Variants in CCDC171 observed in about 807,000 individuals in gnomAD.
The protein encoded by CCDC171 is coiled-coil domain-containing protein 171.
In CCDC171, 177 loss-of-function variants were observed where a neutral mutation model predicts 168.2. That is an observed-to-expected ratio of 1.05 (90% CI 0.93 to 1.19). The LOEUF (loss-of-function observed/expected upper bound fraction) is 1.19, where lower values mean the gene tolerates loss of function less well. Ranked by LOEUF, CCDC171 falls within the 50% of genes most tolerant of loss-of-function variation. The pLI, the probability that CCDC171 is intolerant of heterozygous loss-of-function variation, is 0.00. For synonymous variants in CCDC171, 687 were observed against 540.8 expected (o/e 1.27, Z -3.75); for missense variants, 1,991 against 1,539.0 (o/e 1.29, Z -4.91).
intron 6 of CCDC171, among the ~76,000 whole-genome samples, chr9:15,617,411 C>G (rs1587444718): frequency 6.7e-6 from 1 of 148,634 alleles, no homozygotes; most frequent in African/African-American, 2.5e-5. Context: ...GAGTCTTGCG[C>G]TGTCACCCAG....
Position 15,889,350 on chromosome 9 carries a change from A to G in CCDC171, c.3600+14687A>G, listed in dbSNP as rs1176438781. ...AGCATTATAAAACAGGTTCTATGCA[A>G]AGGACATATACTGTTGTTTCCATGC... On this transcript the variant is annotated intron_variant, in intron 24 of 25. Transcript: ENST00000380701. 3.9e-5 allele frequency among the ~76,000 whole-genome samples: 6 copies of G among 152,162 alleles called. No homozygotes were observed. In the East Asian group the frequency reaches 1.2e-3, roughly 29 times the overall value.
At chr9:15,858,812 A>C (rs1166687613) in intron 23 of CCDC171, among the ~76,000 whole-genome samples, 1 of 152,070 alleles carries the variant, frequency 6.6e-6, no homozygotes, top group African/African-American at 2.4e-5. Flanking sequence ...TCTATGTAGA[A>C]GATCACGTCA....
At chr9:15,956,352 A>G (rs190115983) in intron 25 of CCDC171, among the ~76,000 whole-genome samples, 32 of 152,242 alleles carry the variant, frequency 2.1e-4, no homozygotes, top group African/African-American at 6.0e-4. Context: ...AGCTTTGATT[A>G]CTGATAGGAT....
rs547365151 is a variant in CCDC171 at position 15,583,288 on chromosome 9, G to A, written c.352+4265G>A. ...AAATTAGCTGGGTGTGGTGGCGCAC[G>A]CCTGTAGTCCCAGCTACTTGGGAGG... is the stretch of plus-strand genomic sequence containing the variant. On this transcript the variant is annotated intron_variant, in intron 4 of 25. Coordinates refer to ENST00000380701, the MANE Select transcript of CCDC171 (RefSeq NM_173550.4). Among the ~76,000 whole-genome samples the A allele has an allele frequency of 2.1e-4, 32 of 151,914 alleles. No individual in the cohort carries two copies. The East Asian group carries it at 2.3e-3, about 11-fold the overall frequency.
intron 25 of CCDC171, among the ~76,000 whole-genome samples, chr9:15,955,328 A>G (rs541534508): frequency 9.9e-5 from 15 of 152,260 alleles, no homozygotes; most frequent in Middle Eastern, 3.4e-3. Context: ...GGCCCTTTAA[A>G]TTCCCTGGAT....
intron 21 of CCDC171, among the ~76,000 whole-genome samples, chr9:15,845,208 G>A (rs901879819): frequency 6.6e-6 from 1 of 152,042 alleles, no homozygotes; most frequent in Non-Finnish European, 1.5e-5. Context: ...CACAAAATTA[G>A]TAGGTTTAGC....
intron 1 of CCDC171, among the ~76,000 whole-genome samples, chr9:15,555,893 CTCG>C (rs998849794): frequency 1.3e-4 from 19 of 151,142 alleles, no homozygotes; most frequent in African/African-American, 3.9e-4. Context: ...TCCAAGTATT[CTCG>C]TTGTTCAATT....
Position 15,724,827 on chromosome 9 carries a change from A to C in CCDC171, c.1543A>C (p.Thr515Pro). The C allele has an allele frequency of 6.2e-7, 1 of 1,613,778 alleles. No homozygotes were observed. Among genetic ancestry groups the C allele is most frequent in the Non-Finnish European group, 8.5e-7 (1 of 1,179,714 alleles). ...TAATAAAGAGTTAAGTCATTTACAC[A>C]CTAAATGTGCAGACCGAGAGGCTTT... ...DVNKELSHLH[T>P]KCADREALIS... Residue 515 changes from threonine to proline, a missense_variant, in exon 14 of 26, where the codon ACT (threonine) becomes CCT (proline). By Grantham distance (38) the Thr-to-Pro change is conservative. Coordinates refer to ENST00000380701, the MANE Select transcript of CCDC171 (RefSeq NM_173550.4).
chr9:15,711,373 T>G (rs936528350), intron 11 of CCDC171, among the ~76,000 whole-genome samples: 24 of 152,316 alleles, frequency 1.6e-4, no homozygotes, highest in Middle Eastern at 3.4e-3. Flanking sequence ...TATATCAGTT[T>G]GAATTTTCAA....
intron 25 of CCDC171, among the ~76,000 whole-genome samples, chr9:15,958,085 GA>G (rs1181601135): frequency 6.6e-6 from 1 of 152,042 alleles, no homozygotes; most frequent in Non-Finnish European, 1.5e-5. Context: ...TTAGAATATG[GA>G]TTAGAATAAG....
At chr9:15,753,341 A>G (rs921684677) in intron 18 of CCDC171, among the ~76,000 whole-genome samples, 7 of 152,182 alleles carry the variant, frequency 4.6e-5, no homozygotes, top group Admixed American at 2.0e-4. Context: ...GTGGGAATAA[A>G]CATAGAATGG....
chr9:15,564,328 T>C (rs1482467861), intron 2 of CCDC171, among the ~76,000 whole-genome samples, 199 bp downstream of exon 2: 1 of 152,244 alleles, frequency 6.6e-6, no homozygotes, highest in Non-Finnish European at 1.5e-5. Context: ...GATTTTGTGC[T>C]CCTCTGTTAA....
rs1832407602 is a variant in CCDC171, at chr9:15,997,401, T to G, written n.369-23188T>G. Among the ~76,000 whole-genome samples, 3 of 152,220 alleles carry G rather than the reference T, an allele frequency of 2.0e-5. No individual in the cohort carries two copies. In the South Asian group the frequency reaches 6.2e-4, roughly 32 times the overall value. ...GTAGATCCCAAAGTTGCTGCAGCTA[T>G]AGGCTGTGAGTTAACGGCACTTTTT... On this transcript the variant is annotated intron_variant and non_coding_transcript_variant, in intron 3 of 9. Transcript: ENST00000486641.
intron 24 of CCDC171, among the ~76,000 whole-genome samples, chr9:15,912,457 A>G (rs1248834338): frequency 1.3e-5 from 2 of 152,164 alleles, no homozygotes; most frequent in Admixed American, 6.5e-5. Flanking sequence ...GACTGAGACG[A>G]TGGGGTTTTT....
chr9:15,557,578 C>T (rs898983239), intron 1 of CCDC171, among the ~76,000 whole-genome samples: 13 of 152,120 alleles, frequency 8.5e-5, no homozygotes, highest in African/African-American at 2.7e-4. Flanking sequence ...GATTTTTGCA[C>T]ATTGATTTTG....
chr9:15,834,395 T>A (rs1280465453), intron 21 of CCDC171, among the ~76,000 whole-genome samples: 23 of 152,200 alleles, frequency 1.5e-4, no homozygotes, highest in Admixed American at 1.2e-3. Flanking sequence ...TTCTAAATCA[T>A]TATACCTTTC....
At chr9:15,968,573 C>T (rs1831030067) in intron 25 of CCDC171, among the ~76,000 whole-genome samples, 1 of 128,032 alleles carries the variant, frequency 7.8e-6, no homozygotes, top group South Asian at 2.5e-4. Context: ...CAGAGTCTTG[C>T]TCTGTTGCCC....
At chr9:15,845,002 T>C (rs527719148) in intron 21 of CCDC171, among the ~76,000 whole-genome samples, 3 of 152,110 alleles carry the variant, frequency 2.0e-5, no homozygotes, top group Admixed American at 6.6e-5. Context: ...CACAAATGTA[T>C]TGTTTTTGTT....
intron 10 of CCDC171, among the ~76,000 whole-genome samples, chr9:15,690,955 T>C (rs977730521): frequency 2.0e-5 from 3 of 152,184 alleles, no homozygotes; most frequent in African/African-American, 7.2e-5. Flanking sequence ...TACTATTGGA[T>C]AGATATTGGC....
Sources: allele counts gnomAD v4.1 joint callset (sites outside exome capture counted in the v4.1 genomes callset), GRCh38; gene constraint gnomAD v4.1.1; transcripts MANE v1.5; gene names NCBI Gene and HGNC (gene_info 2026-07-23, HGNC 2026-07-21).